SRBD1: variants seen among roughly 807,000 people sequenced by gnomAD.
SRBD1 encodes S1 RNA-binding domain-containing protein 1.
In SRBD1, 88 loss-of-function variants were observed where a neutral mutation model predicts 115.3. The observed-to-expected ratio is 0.76, with a 90% CI of 0.64 to 0.91. SRBD1 has a LOEUF of 0.91. Ranked by LOEUF, SRBD1 falls within the 40% of genes least tolerant of loss-of-function variation. The probability of loss-of-function intolerance (pLI) is 0.00; values close to 1 mark genes in which losing one functional copy is unlikely to be tolerated. For synonymous variants in SRBD1, 509 were observed against 407.7 expected (o/e 1.25, Z -2.99); for missense variants, 1,385 against 1,177.4 (o/e 1.18, Z -2.58).
In SRBD1 at chr2:45,547,616, T is replaced by C. The variant is rs765923773; in HGVS notation, c.1676-4A>G. ...ACATCAGTATGAAGTATCTGACCTTTAAAAAATGAAAAGAATAAGCCATTT... is the reference window on the plus strand; with the variant it reads ...ACATCAGTATGAAGTATCTGACCTTCAAAAAATGAAAAGAATAAGCCATTT... On this transcript the variant is annotated splice_polypyrimidine_tract_variant and splice_region_variant and intron_variant, in intron 12 of 20. Coordinates refer to ENST00000263736, the MANE Select transcript of SRBD1 (RefSeq NM_018079.5). The C allele has an allele frequency of 1.0e-5, 16 of 1,602,908 alleles. No individual in the cohort carries two copies. The highest frequency in any genetic ancestry group is 1.7e-5 in the Admixed American group (1 of 57,386).
At chr2:45,610,526 T>G (rs533523950) in intron 1 of SRBD1, among the ~76,000 whole-genome samples, 2 of 152,254 alleles carry the variant, frequency 1.3e-5, no homozygotes, top group African/African-American at 4.8e-5. Flanking sequence ...TATAGCCCAG[T>G]GCCTGGAACA....
intron 14 of SRBD1, among the ~76,000 whole-genome samples, chr2:45,503,594 TC>T (rs1422030786): frequency 6.6e-6 from 1 of 152,192 alleles, no homozygotes; most frequent in African/African-American, 2.4e-5. Flanking sequence ...TTCATCCCTT[TC>T]TTAGTTGAAA....
intron 14 of SRBD1, among the ~76,000 whole-genome samples, chr2:45,517,368 G>T (rs1346942641): frequency 6.6e-6 from 1 of 152,122 alleles, no homozygotes; most frequent in African/African-American, 2.4e-5. Context: ...TTTTACATAA[G>T]TGAGTTCATT....
intron 4 of SRBD1, 112 bp from the exon 5 acceptor site, chr2:45,585,886 T>C: frequency 1.2e-6 from 1 of 814,094 alleles, no homozygotes. Flanking sequence ...AGAAACTACT[T>C]GCTATAGTTT....
At chr2:45,602,907 T>C (rs1272780422) in intron 2 of SRBD1, among the ~76,000 whole-genome samples, 1 of 152,176 alleles carries the variant, frequency 6.6e-6, no homozygotes, top group Admixed American at 6.5e-5. Context: ...TAAATTATGC[T>C]CTAGAAGAGA....
chr2:45,473,666 T>C (rs1306605639), intron 16 of SRBD1, among the ~76,000 whole-genome samples: 1 of 152,094 alleles, frequency 6.6e-6, no homozygotes, highest in East Asian at 1.9e-4. Flanking sequence ...TTATCAATAA[T>C]AGGACTGTTG....
chr2:45,576,245 A>G (rs1017027604), intron 7 of SRBD1, among the ~76,000 whole-genome samples: 2 of 152,170 alleles, frequency 1.3e-5, no homozygotes, highest in African/African-American at 4.8e-5. Context: ...AAATTTCTTA[A>G]TAACATTTTC....
At chr2:45,576,802 G>C (rs1223265724) in intron 7 of SRBD1, among the ~76,000 whole-genome samples, 1 of 152,150 alleles carries the variant, frequency 6.6e-6, no homozygotes, top group East Asian at 1.9e-4. Flanking sequence ...AGTAAAGATG[G>C]AACCTACAGG....
At chr2:45,518,752 T>C (rs750408598) in intron 14 of SRBD1, among the ~76,000 whole-genome samples, 1 of 152,214 alleles carries the variant, frequency 6.6e-6, no homozygotes, top group African/African-American at 2.4e-5. Context: ...ATATAAAGGA[T>C]ACAGCTGTAT....
At chr2:45,605,492 T>C in intron 1 of SRBD1, 51 bp from the exon 2 acceptor site, 1 of 1,533,476 alleles carries the variant, frequency 6.5e-7, no homozygotes, top group Non-Finnish European at 9.0e-7. Context: ...TCTTATCACT[T>C]TATTTGGCTA....
intron 14 of SRBD1, chr2:45,546,408 C>T: frequency 7.7e-6 from 7 of 906,380 alleles, no homozygotes; most frequent in Non-Finnish European, 7.9e-6. Context: ...AGCTGCTAGC[C>T]TGGTACATCA....
intron 14 of SRBD1, among the ~76,000 whole-genome samples, chr2:45,520,087 T>C (rs1265620370): frequency 2.6e-5 from 4 of 151,994 alleles, no homozygotes; most frequent in South Asian, 2.1e-4. Context: ...AGTAAAAAAA[T>C]AGAAAATTAC....
rs554863456 is a variant in SRBD1 at position 45,406,362 on chromosome 2, C to T, written c.2513+6752G>A. 7.9e-5 allele frequency among the ~76,000 whole-genome samples: 12 copies of T among 152,224 alleles called. No individual in the cohort carries two copies. The South Asian group carries it at 1.5e-3, about 18-fold the overall frequency. ...GTCACCAGGTGAATGTCAGAAGACA[C>T]TGAAACAAGTAAAAGGAATTTAGAA... On this transcript the variant is annotated intron_variant, in intron 19 of 20. Coordinates refer to ENST00000263736, the MANE Select transcript of SRBD1 (RefSeq NM_018079.5).
chr2:45,599,477 TC>T lies in SRBD1; in HGVS notation c.619del (p.Glu207ArgfsTer4), dbSNP rs773874310. On this transcript the variant is annotated frameshift_variant, in exon 4 of 21. Coordinates refer to ENST00000263736, the MANE Select transcript of SRBD1 (RefSeq NM_018079.5). LOFTEE classifies it high-confidence loss of function. Reference protein sequence around the residue: ...FPANANSTKEEVEMNWDMVQV... With the variant: ...FPANANSTKEXVEMNWDMVQV... ...TACCATGTCCCAATTCATTTCCACC[TC>T]CTCTTTAGTACTATTGGCATTTGCT... 2 of 1,614,046 alleles carry T rather than the reference TC, an allele frequency of 1.2e-6. No individual in the cohort carries two copies. The highest frequency in any genetic ancestry group is 1.7e-6 in the Non-Finnish European group (2 of 1,179,946).
chr2:45,506,144 C>A (rs901799949), intron 14 of SRBD1, among the ~76,000 whole-genome samples: 1 of 152,102 alleles, frequency 6.6e-6, no homozygotes, highest in Admixed American at 6.5e-5. Context: ...TATTTACTGT[C>A]AAGCCATCTG....
chr2:45,497,697 G>C (rs577407235), intron 14 of SRBD1, among the ~76,000 whole-genome samples: 1 of 152,038 alleles, frequency 6.6e-6, no homozygotes, highest in East Asian at 1.9e-4. Context: ...TTTAGTAAAT[G>C]TTGTACAACC....
chr2:45,448,288 C>A (rs1326936254), intron 16 of SRBD1, among the ~76,000 whole-genome samples: 1 of 152,000 alleles, frequency 6.6e-6, no homozygotes, highest in Non-Finnish European at 1.5e-5. Flanking sequence ...CAGCACCTAG[C>A]CATACAGAAT....
In SRBD1 at chr2:45,599,659, C is replaced by T. The variant is rs1674027686; in HGVS notation, c.438G>A (p.Glu146=). ...GTGTCTCTGAACTATTACTCTCACC[C>T]TCTAAGTTGCTGGCTTTGCTGGTTT... ...EEETSKASNL[E]GESNSSETPS... The change falls in exon 4 of 21, where the codon GAG becomes GAA. Residue 146 remains glutamate (E), a synonymous_variant. Coordinates refer to ENST00000263736, the MANE Select transcript of SRBD1 (RefSeq NM_018079.5). 4 of 1,614,118 alleles carry T rather than the reference C, an allele frequency of 2.5e-6. No individual in the cohort carries two copies. Among genetic ancestry groups the T allele is most frequent in the Non-Finnish European group, 2.5e-6 (3 of 1,180,048 alleles).
At chr2:45,468,038 C>CTCATTTTT (rs1669540964) in intron 16 of SRBD1, among the ~76,000 whole-genome samples, 1 of 152,026 alleles carries the variant, frequency 6.6e-6, no homozygotes, top group Non-Finnish European at 1.5e-5. Context: ...TCCTGGTGTA[C>CTCATTTTT]CTCTCCCAGT....
Sources: gnomAD v4.1 joint callset for allele counts (sites outside exome capture counted in the v4.1 genomes callset) on GRCh38, gnomAD v4.1.1 for gene constraint, MANE v1.5 for transcripts, NCBI Gene and HGNC (gene_info 2026-07-23, HGNC 2026-07-21) for gene names.